The following RASA3 variants were observed in gnomAD, a reference collection of about 807,000 sequenced individuals.
RASA3 encodes RAS p21 protein activator 3.
In RASA3, 73 loss-of-function variants were observed where a neutral mutation model predicts 110.0. That is an observed-to-expected ratio of 0.66 (90% confidence interval 0.55 to 0.81). RASA3 has a LOEUF of 0.81. Ranked by LOEUF, RASA3 falls within the 30% of genes least tolerant of loss-of-function variation. The probability of loss-of-function intolerance (pLI) is 0.00; values close to 1 mark genes in which losing one functional copy is unlikely to be tolerated. For synonymous variants in RASA3, 500 were observed against 451.4 expected (o/e 1.11, Z -1.37); for missense variants, 976 against 1,113.2 (o/e 0.88, Z 1.75).
chr13:114,059,650 C>T (rs1216014221), intron 2 of RASA3, among the ~76,000 whole-genome samples: 1 of 152,262 alleles, frequency 6.6e-6, no homozygotes, highest in Non-Finnish European at 1.5e-5. Flanking sequence ...GCGGCCTCCC[C>T]AGGACACACC....
At chr13:114,122,647 G>A (rs1353797202) in intron 1 of RASA3, among the ~76,000 whole-genome samples, 1 of 152,048 alleles carries the variant, frequency 6.6e-6, no homozygotes, top group Non-Finnish European at 1.5e-5. Flanking sequence ...GCCCATTGGA[G>A]GGAAATGTTC....
intron 1 of RASA3, among the ~76,000 whole-genome samples, chr13:114,102,516 AG>A (rs2080072812): frequency 6.6e-6 from 1 of 152,160 alleles, no homozygotes; most frequent in South Asian, 2.1e-4. Context: ...AGGAGGTGCG[AG>A]GGGCCCTGTC....
chr13:114,073,989 T>C (rs2139672698), intron 1 of RASA3, 152 bp from the exon 2 acceptor site: 1 of 699,386 alleles, frequency 1.4e-6, no homozygotes, highest in Non-Finnish European at 2.5e-6. Flanking sequence ...AATGTGGATG[T>C]GCACCCCATG....
intron 2 of RASA3, among the ~76,000 whole-genome samples, chr13:114,060,592 G>A (rs889482975): frequency 6.6e-6 from 1 of 152,258 alleles, no homozygotes; most frequent in Non-Finnish European, 1.5e-5. Flanking sequence ...GGCTCCTGCA[G>A]GAGGTGACGG....
intron 4 of RASA3, among the ~76,000 whole-genome samples, chr13:114,030,884 C>T (rs943682314): frequency 6.7e-5 from 10 of 149,970 alleles, no homozygotes; most frequent in South Asian, 2.1e-4. Context: ...TACCTGTGTG[C>T]GTGCAACTGT....
At chr13:114,082,264 G>A (rs1199426577) in intron 1 of RASA3, among the ~76,000 whole-genome samples, 3 of 152,262 alleles carry the variant, frequency 2.0e-5, no homozygotes, top group African/African-American at 4.8e-5. Flanking sequence ...CGCAACAGCA[G>A]AGCCAGAGCT....
chr13:114,030,085 T>C (rs991578431), intron 4 of RASA3, among the ~76,000 whole-genome samples, 198 bp from the exon 5 acceptor site: 30 of 152,252 alleles, frequency 2.0e-4, no homozygotes, highest in Admixed American at 1.8e-3. Context: ...GGAGAGCTGC[T>C]TGCCTGACTG....
Position 114,011,153 on chromosome 13 carries a change from T to A in RASA3, c.1590+18A>T, listed in dbSNP as rs752771669. On this transcript the variant is annotated intron_variant, in intron 16 of 23. Coordinates refer to ENST00000334062, the MANE Select transcript of RASA3 (RefSeq NM_007368.4). This position sits in a 1 kb window ranked among gnomAD's most constrained non-coding sequence, Gnocchi z 4.8. ...ATCAGTTGTCCCTAAAAAGAGAAAA[T>A]GAAGAAGAGGGACTCACAGATTTGG... The A allele has an allele frequency of 7.0e-5, 112 of 1,590,660 alleles. No individual in the cohort carries two copies. The highest frequency in any genetic ancestry group is 9.4e-5 in the Non-Finnish European group (109 of 1,160,338).
chr13:114,123,930 C>T (rs2139795853), intron 1 of RASA3, among the ~76,000 whole-genome samples: 1 of 152,312 alleles, frequency 6.6e-6, no homozygotes, highest in African/African-American at 2.4e-5. Context: ...GGAAATTATT[C>T]GGATAACATA....
At chr13:113,981,104 C>A (rs899645130) in intron 23 of RASA3, among the ~76,000 whole-genome samples, 2 of 152,204 alleles carry the variant, frequency 1.3e-5, no homozygotes, top group Non-Finnish European at 2.9e-5. Context: ...TAGCACTTTA[C>A]ATAGTTTAAG....
At chr13:114,105,199 G>C (rs937158969) in intron 1 of RASA3, among the ~76,000 whole-genome samples, 1 of 152,094 alleles carries the variant, frequency 6.6e-6, no homozygotes, top group Non-Finnish European at 1.5e-5. Context: ...AGGAGGGCAG[G>C]TCCGGGACTG....
intron 1 of RASA3, among the ~76,000 whole-genome samples, chr13:114,090,637 CAAGAGA>C (rs2079878914): frequency 6.6e-6 from 1 of 152,156 alleles, no homozygotes; most frequent in Non-Finnish European, 1.5e-5. Flanking sequence ...TGTGAAACTA[CAAGAGA>C]AAAACACCTC....
chr13:114,039,118 G>A (rs1323039014), intron 4 of RASA3, among the ~76,000 whole-genome samples: 1 of 152,240 alleles, frequency 6.6e-6, no homozygotes, highest in Non-Finnish European at 1.5e-5. Flanking sequence ...CTCCGAGCCT[G>A]GCGGCCTGTG....
chr13:114,076,636 A>G (rs1285548560), intron 1 of RASA3, among the ~76,000 whole-genome samples: 1 of 152,088 alleles, frequency 6.6e-6, no homozygotes, highest in African/African-American at 2.4e-5. Context: ...CACGAAGGGG[A>G]GAACATGGCC....
At chr13:114,040,973 T>C in intron 4 of RASA3, 27 bp downstream of exon 4, 1 of 1,610,590 alleles carries the variant, frequency 6.2e-7, no homozygotes, top group Non-Finnish European at 8.5e-7. Context: ...AGGGCTCTGG[T>C]TTCCGGGGCT....
chr13:114,009,331 G>C (rs2053581694), intron 17 of RASA3, 56 bp downstream of exon 17: 2 of 1,376,928 alleles, frequency 1.5e-6, no homozygotes, highest in South Asian at 1.2e-5. Flanking sequence ...TTTTAAAAGA[G>C]AACTCCGTCT....
At chr13:114,019,456 G>C (rs2053867597) in intron 9 of RASA3, among the ~76,000 whole-genome samples, 1 of 152,360 alleles carries the variant, frequency 6.6e-6, no homozygotes, top group South Asian at 2.1e-4. Context: ...TCATTTGTGG[G>C]CCAGGCAGTC....
rs2079252255 is a variant in RASA3, at chr13:114,056,750, C to T, written c.174-4595G>A. 1 of 850,896 alleles carries T rather than the reference C, an allele frequency of 1.2e-6. No individual in the cohort carries two copies. The highest frequency in any genetic ancestry group is 1.4e-6 in the Non-Finnish European group (1 of 707,102). 52.7% of individuals were successfully genotyped at this position (850,896 alleles called of 1,614,324 possible). ...TAAAAATAGCAGAAAGAGGAAGCTACAAGAAAACATACGAACTCCATAAAA... is the reference window on the plus strand; with the variant it reads ...TAAAAATAGCAGAAAGAGGAAGCTATAAGAAAACATACGAACTCCATAAAA... On this transcript the variant is annotated intron_variant, in intron 2 of 23. Coordinates refer to ENST00000334062, the MANE Select transcript of RASA3 (RefSeq NM_007368.4). This position sits in a 1 kb window ranked among gnomAD's most constrained non-coding sequence, Gnocchi z 5.7.
At chr13:114,045,997 T>C (rs984637146) in intron 3 of RASA3, among the ~76,000 whole-genome samples, 2 of 152,210 alleles carry the variant, frequency 1.3e-5, no homozygotes, top group African/African-American at 2.4e-5. Context: ...AAGATATTAA[T>C]TCTCCCCAAA....
Sources: allele counts gnomAD v4.1 joint callset (sites outside exome capture counted in the v4.1 genomes callset), GRCh38; gene constraint gnomAD v4.1.1; non-coding constraint Gnocchi (gnomAD v3.1); transcripts MANE v1.5; gene names NCBI Gene and HGNC (gene_info 2026-07-23, HGNC 2026-07-21).